The following HIRA variants were observed in gnomAD, a reference collection of about 807,000 sequenced individuals.
HIRA encodes the protein histone cell cycle regulator.
A neutral mutation model predicts 126.6 loss-of-function variants in HIRA; 13 were observed. The ratio of observed to expected loss-of-function variants is 0.10; its 90% CI spans 0.07 to 0.16. HIRA has a LOEUF of 0.16. HIRA is among the 10% of genes least tolerant of loss of function. The probability of loss-of-function intolerance (pLI) is 1.00; values close to 1 mark genes in which losing one functional copy is unlikely to be tolerated. For synonymous variants in HIRA, 511 were observed against 520.0 expected (o/e 0.98, Z 0.24); for missense variants, 834 against 1,314.4 (o/e 0.63, Z 5.65).
chr22:19,367,783 T>C (rs2088927653), intron 15 of HIRA, among the ~76,000 whole-genome samples: 2 of 152,148 alleles, frequency 1.3e-5, no homozygotes, highest in Non-Finnish European at 2.9e-5. Flanking sequence ...GCAAATTCAG[T>C]TTTTGCTTTT....
At chr22:19,353,253 C>A in intron 23 of HIRA, 103 bp downstream of exon 23, 1 of 1,413,158 alleles carries the variant, frequency 7.1e-7, no homozygotes, top group Non-Finnish European at 9.8e-7. Context: ...GTAGAGGCTG[C>A]TGGGCCATCA....
At chr22:19,384,322 CAAAAAAAAAAAAA>C (rs71317140) in intron 12 of HIRA, among the ~76,000 whole-genome samples, 15 of 66,816 alleles carry the variant, frequency 2.2e-4, no homozygotes, top group African/African-American at 9.0e-4. Context: ...GACTCCATCT[CAAAAAAAAAAAAA>C]AAAAAAAAGA....
At chr22:19,332,062 A>C (rs1239543798) in intron 24 of HIRA, among the ~76,000 whole-genome samples, 1 of 152,246 alleles carries the variant, frequency 6.6e-6, no homozygotes, top group African/African-American at 2.4e-5. Flanking sequence ...GATGCTGACC[A>C]AACTATGCTT....
chr22:19,431,170 C>A (rs1416244682), intron 1 of HIRA, among the ~76,000 whole-genome samples: 2 of 152,238 alleles, frequency 1.3e-5, no homozygotes, highest in African/African-American at 4.8e-5. Flanking sequence ...CAGGCCGCGG[C>A]CCCTCCAAGG....
rs782550246 is a variant in HIRA, at chr22:19,351,400, C to T, written c.2895G>A (p.Pro965=). Residue 965 remains proline (P), a synonymous_variant, in exon 24 of 25, where the codon CCG becomes CCA. Coordinates refer to ENST00000263208, the MANE Select transcript of HIRA (RefSeq NM_003325.4). The surrounding 1 kb of genome is among the most constrained non-coding windows in gnomAD (Gnocchi z 4.8). ...LREICKDLLG[P]VHYSTGSQWE... is the part of the protein sequence containing the mutation. ...ACTGGCTTCCAGTGGAGTAGTGAAC[C>T]GGACCCAGTAAGTCCTTGCATATTT... The T allele has an allele frequency of 1.2e-4, 201 of 1,613,566 alleles. No homozygotes were observed. Among genetic ancestry groups the T allele is most frequent in the Non-Finnish European group, 1.6e-4 (190 of 1,179,808 alleles).
chr22:19,405,652 G>T, intron 5 of HIRA, 134 bp downstream of exon 5: 1 of 852,822 alleles, frequency 1.2e-6, no homozygotes, highest in Non-Finnish European at 1.6e-6. Context: ...GGGTGTGACT[G>T]ATTGTGATGG....
intron 23 of HIRA, 102 bp downstream of exon 23, chr22:19,353,254 T>G: frequency 7.0e-7 from 1 of 1,421,324 alleles, no homozygotes; most frequent in Non-Finnish European, 9.8e-7. Context: ...TAGAGGCTGC[T>G]GGGCCATCAC....
At chr22:19,374,499 G>C (rs898381284) in intron 15 of HIRA, among the ~76,000 whole-genome samples, 14 of 152,176 alleles carry the variant, frequency 9.2e-5, no homozygotes, top group African/African-American at 3.4e-4. Flanking sequence ...TTACAGAGCA[G>C]ACTACAAGAT....
At chr22:19,402,030 C>T (rs1362038718) in intron 5 of HIRA, among the ~76,000 whole-genome samples, 1 of 152,188 alleles carries the variant, frequency 6.6e-6, no homozygotes, top group African/African-American at 2.4e-5. Context: ...TGCTCCAAGG[C>T]CTTCGCACTG....
chr22:19,396,431 G>A (rs904156969), intron 7 of HIRA, among the ~76,000 whole-genome samples: 2 of 152,160 alleles, frequency 1.3e-5, no homozygotes, highest in Non-Finnish European at 1.5e-5. Context: ...CAGGAGAATC[G>A]CTTGAACCCA....
intron 15 of HIRA, among the ~76,000 whole-genome samples, chr22:19,368,735 T>C (rs1039607666): frequency 6.6e-6 from 1 of 152,174 alleles, no homozygotes; most frequent in African/African-American, 2.4e-5. Flanking sequence ...TTTTGTAAAA[T>C]ACAGCGAGAA....
chr22:19,341,398 G>A (rs942760630), intron 24 of HIRA, among the ~76,000 whole-genome samples: 3 of 149,088 alleles, frequency 2.0e-5, no homozygotes, highest in Non-Finnish European at 4.4e-5. Context: ...GCCATGAGCC[G>A]AGATTGTGCC....
chr22:19,392,839 T>C (rs2146226499), intron 8 of HIRA, among the ~76,000 whole-genome samples: 1 of 152,168 alleles, frequency 6.6e-6, no homozygotes, highest in East Asian at 1.9e-4. Context: ...GAGAGTAACT[T>C]GTCTTTGTTT....
chr22:19,366,631 A>C (rs1326804226), intron 15 of HIRA, among the ~76,000 whole-genome samples: 1 of 152,224 alleles, frequency 6.6e-6, no homozygotes, highest in Non-Finnish European at 1.5e-5. Flanking sequence ...AGATGGGACT[A>C]AATTGCTGCA....
At chr22:19,423,482 TACACACACACACACACAC>T (rs777914879) in intron 1 of HIRA, among the ~76,000 whole-genome samples, 15 of 111,216 alleles carry the variant, frequency 1.3e-4, no homozygotes, top group East Asian at 2.5e-4. Context: ...CACACATGCA[TACACACACACACACACAC>T]ACACACACAC....
chr22:19,403,339 G>A (rs1018099105), intron 5 of HIRA, among the ~76,000 whole-genome samples: 12 of 152,060 alleles, frequency 7.9e-5, no homozygotes, highest in Non-Finnish European at 1.3e-4. Flanking sequence ...GCCGGTCATG[G>A]TGACTCATGC....
intron 1 of HIRA, among the ~76,000 whole-genome samples, chr22:19,418,236 C>G (rs1325184508): frequency 6.6e-6 from 1 of 152,084 alleles, no homozygotes; most frequent in Admixed American, 6.6e-5. Flanking sequence ...TTGTGAATAT[C>G]TGACCACAAT....
rs201673154 is a variant in HIRA at position 19,375,690 on chromosome 22, C to G, written c.1716G>C (p.Arg572=). The stretch of plus-strand genomic sequence containing the variant: ...CAGGAGCACCTGGTGTGGCTTTGGA[C>G]CGCTCTGTGAACCGGGAGTCAAACG... The part of the protein sequence containing the change: ...MKAFDSRFTE[R]SKATPGAPAL... The change falls in exon 15 of 25, where the codon CGG becomes CGC. Residue 572 remains arginine, a synonymous_variant. Coordinates refer to ENST00000263208, the MANE Select transcript of HIRA (RefSeq NM_003325.4). The G allele has an allele frequency of 1.9e-6, 3 of 1,614,166 alleles. No individual in the cohort carries two copies. Among genetic ancestry groups the G allele is most frequent in the Non-Finnish European group, 2.5e-6 (3 of 1,180,038 alleles).
chr22:19,368,406 G>A (rs1368790267), intron 15 of HIRA, among the ~76,000 whole-genome samples: 3 of 152,024 alleles, frequency 2.0e-5, no homozygotes, highest in Non-Finnish European at 4.4e-5. Context: ...TCCTGAGTCA[G>A]TGCTCCTCAA....
Sources: gnomAD v4.1 joint callset for allele counts (sites outside exome capture counted in the v4.1 genomes callset) on GRCh38, gnomAD v4.1.1 for gene constraint, Gnocchi (gnomAD v3.1) non-coding constraint, MANE v1.5 for transcripts, NCBI Gene and HGNC (gene_info 2026-07-23, HGNC 2026-07-21) for gene names.